CDH3: variants seen among roughly 807,000 people sequenced by gnomAD.
CDH3 encodes the protein cadherin-3.
A neutral mutation model predicts 82.0 loss-of-function variants in CDH3; 54 were observed. The ratio of observed to expected loss-of-function variants is 0.66; its 90% CI spans 0.53 to 0.83. The LOEUF is 0.83. CDH3 is among the 40% of genes least tolerant of loss of function. CDH3 has a pLI of 0.00. For missense variants in CDH3, 1,054 were observed against 1,084.6 expected (o/e 0.97, Z 0.40); for synonymous variants, 446 against 437.9 (o/e 1.02, Z -0.23).
intron 2 of CDH3, among the ~76,000 whole-genome samples, chr16:68,662,151 A>C (rs1020143042): frequency 3.9e-5 from 6 of 152,340 alleles, no homozygotes; most frequent in African/African-American, 1.4e-4. Flanking sequence ...GAAAGATGTC[A>C]GGAGTTAACT....
rs778969978 is a variant in CDH3, at chr16:68,707,455, G to A, written c.99+11532G>A. On this transcript the variant is annotated intron_variant, in intron 1 of 2. Coordinates refer to the CDH3 transcript ENST00000569080. This position sits in a 1 kb window ranked among gnomAD's most constrained non-coding sequence, Gnocchi z 4.5. ...CTGTATCCTCAGTCCCTGAGGATGC[G>A]GCAGGGCCTGTCGGGGCCTGTGGGC... Among the ~76,000 whole-genome samples the A allele has an allele frequency of 3.3e-5, 5 of 152,218 alleles. No homozygotes were observed. The highest frequency in any genetic ancestry group is 2.1e-4 in the South Asian group (1 of 4,836).
intron 8 of CDH3, 101 bp from the exon 9 acceptor site, chr16:68,682,201 A>G (rs1015569299): frequency 1.5e-6 from 2 of 1,306,556 alleles, no homozygotes; most frequent in Non-Finnish European, 2.2e-6. Context: ...AGGAAAGGGT[A>G]AAGGCATGGG....
At chr16:68,705,299 C>A (rs1472215224) in intron 1 of CDH3, among the ~76,000 whole-genome samples, 3 of 152,118 alleles carry the variant, frequency 2.0e-5, no homozygotes, top group African/African-American at 7.2e-5. Flanking sequence ...GACTCTGTAG[C>A]CCTGAAGCAC....
At chr16:68,658,387 G>A (rs537857360) in intron 2 of CDH3, among the ~76,000 whole-genome samples, 2 of 152,230 alleles carry the variant, frequency 1.3e-5, no homozygotes, top group African/African-American at 4.8e-5. Context: ...GGCCTGAGGC[G>A]AGTTACTGAG....
Position 68,664,678 on chromosome 16 carries a change from G to A in CDH3, c.161-11707G>A, listed in dbSNP as rs908048382. 2.0e-5 allele frequency among the ~76,000 whole-genome samples: 3 copies of A among 152,056 alleles called. No homozygotes were observed. The East Asian group carries it at 5.8e-4, about 29-fold the overall frequency. On this transcript the variant is annotated intron_variant, in intron 2 of 15. Coordinates refer to ENST00000264012, the MANE Select transcript of CDH3 (RefSeq NM_001793.6). ...TTATTGATATTATTATTATTATTTT[G>A]AGACAGGGTCTCTCTCTGTTGCCCA...
intron 2 of CDH3, among the ~76,000 whole-genome samples, chr16:68,652,662 C>G (rs984386263): frequency 6.6e-5 from 10 of 152,172 alleles, no homozygotes; most frequent in African/African-American, 2.4e-4. Context: ...CCCTGTGTTT[C>G]TGGCGCACAG....
intron 2 of CDH3, among the ~76,000 whole-genome samples, chr16:68,665,978 A>G (rs1270363284): frequency 6.6e-6 from 1 of 152,090 alleles, no homozygotes; most frequent in Non-Finnish European, 1.5e-5. Flanking sequence ...TGGAAGGCAA[A>G]ATGGGGGCCT....
At chr16:68,724,311 T>C (rs1394267770) in intron 2 of CDH3, among the ~76,000 whole-genome samples, 1 of 151,834 alleles carries the variant, frequency 6.6e-6, no homozygotes, top group African/African-American at 2.4e-5. Flanking sequence ...CTATATAGAC[T>C]TTACATCAAG....
intron 1 of CDH3, among the ~76,000 whole-genome samples, chr16:68,718,130 T>C (rs1008471887): frequency 6.6e-6 from 1 of 151,952 alleles, no homozygotes; most frequent in Non-Finnish European, 1.5e-5. Context: ...TACCTCAGCC[T>C]CCTGGGTAGC....
chr16:68,731,387 A>ATATATATATATATATAT (rs1201280803), downstream of CDH3, among the ~76,000 whole-genome samples: 1 of 9,136 alleles, frequency 1.1e-4, no homozygotes, highest in Non-Finnish European at 2.4e-4. Flanking sequence ...AAAAAAAAAA[A>ATATATATATATATATAT]AAAAAAAAAT....
intron 11 of CDH3, chr16:68,686,253 C>T (rs1961408025): frequency 8.2e-6 from 5 of 608,748 alleles, no homozygotes; most frequent in South Asian, 6.1e-5. Context: ...TCGGGGCGAG[C>T]GGCAAGGGCT....
At chr16:68,674,078 T>A (rs1164198703) in intron 2 of CDH3, among the ~76,000 whole-genome samples, 1 of 152,262 alleles carries the variant, frequency 6.6e-6, no homozygotes, top group Non-Finnish European at 1.5e-5. Flanking sequence ...CATGTGGTAA[T>A]TCTACATTTA....
rs1168861485 is a variant in CDH3 at position 68,682,371 on chromosome 16, GCCC to G, written c.1069_1071del (p.Pro357del). The G allele has an allele frequency of 1.2e-6, 2 of 1,613,876 alleles. No homozygotes were observed. Among genetic ancestry groups the G allele is most frequent in the African/African-American group, 2.7e-5 (2 of 74,906 alleles). On this transcript the variant is annotated inframe_deletion, in exon 9 of 16. Coordinates refer to ENST00000264012, the MANE Select transcript of CDH3 (RefSeq NM_001793.6). ...GAGGCTGACGGTCACTGATCTGGAC[GCCC>G]CCAACTCACCAGCGTGGCGTGCCAC... is the stretch of plus-strand genomic sequence containing the variant.
chr16:68,655,028 T>C (rs1960376337), intron 2 of CDH3, among the ~76,000 whole-genome samples: 1 of 149,548 alleles, frequency 6.7e-6, no homozygotes, highest in Non-Finnish European at 1.5e-5. Flanking sequence ...AGAGCAAGAC[T>C]CCATCTCCAA....
At chr16:68,725,801 C>T (rs530372960) in intron 2 of CDH3, among the ~76,000 whole-genome samples, 43 of 152,124 alleles carry the variant, frequency 2.8e-4, no homozygotes, top group Admixed American at 1.4e-3. Flanking sequence ...CACCTGTAAT[C>T]CCAGCACTTT....
intron 1 of CDH3, among the ~76,000 whole-genome samples, chr16:68,705,791 C>T (rs577966939): frequency 2.9e-4 from 43 of 150,804 alleles, no homozygotes; most frequent in African/African-American, 8.5e-4. Flanking sequence ...GTGAGCCGGG[C>T]GCGGTGGCTC....
chr16:68,682,136 G>A (rs947115078), intron 8 of CDH3, among the ~76,000 whole-genome samples, 166 bp from the exon 9 acceptor site: 2 of 152,172 alleles, frequency 1.3e-5, no homozygotes, highest in Non-Finnish European at 2.9e-5. Flanking sequence ...GCTGCTGCTG[G>A]GGACATCCTG....
chr16:68,695,532 C>G (rs2082634209), intron 14 of CDH3, 147 bp downstream of exon 14: 2 of 902,422 alleles, frequency 2.2e-6, no homozygotes, highest in Admixed American at 4.4e-5. Context: ...TCCTCCAGCA[C>G]TTCTCTGGTC....
At chr16:68,719,418 G>T (rs1962134970) in intron 1 of CDH3, among the ~76,000 whole-genome samples, 1 of 151,394 alleles carries the variant, frequency 6.6e-6, no homozygotes, top group Admixed American at 6.6e-5. Context: ...ACAGAAAAGG[G>T]CCCAGTGGTT....
Sources: gnomAD v4.1 joint callset for allele counts (sites outside exome capture counted in the v4.1 genomes callset) on GRCh38, gnomAD v4.1.1 for gene constraint, Gnocchi (gnomAD v3.1) non-coding constraint, MANE v1.5 for transcripts, NCBI Gene and HGNC (gene_info 2026-07-23, HGNC 2026-07-21) for gene names.